The following VPS13B variants were observed in gnomAD, a reference collection of about 807,000 sequenced individuals.
The protein encoded by VPS13B is intermembrane lipid transfer protein VPS13B.
A neutral mutation model predicts 426.4 loss-of-function variants in VPS13B; 285 were observed. The ratio of observed to expected loss-of-function variants is 0.67; its 90% CI spans 0.61 to 0.74. The LOEUF (loss-of-function observed/expected upper bound fraction) is 0.74. Among genes scored for constraint, VPS13B ranks in the 30% least tolerant of loss-of-function variants. The probability of loss-of-function intolerance (pLI) is 0.00; values close to 1 mark genes in which losing one functional copy is unlikely to be tolerated. For missense variants in VPS13B, 4,537 were observed against 4,782.6 expected (o/e 0.95, Z 1.51); for synonymous variants, 1,676 against 1,676.4 (o/e 1.00, Z 0.01).
At chr8:99,633,806 G>GGTTGTGT (rs1828949672) in intron 33 of VPS13B, among the ~76,000 whole-genome samples, 2 of 143,960 alleles carry the variant, frequency 1.4e-5, no homozygotes, top group African/African-American at 5.1e-5. Context: ...GAATGTGTCA[G>GGTTGTGT]GTGTGTGTGT....
chr8:99,207,537 C>T (rs2132782248), intron 17 of VPS13B, among the ~76,000 whole-genome samples: 1 of 152,062 alleles, frequency 6.6e-6, no homozygotes, highest in African/African-American at 2.4e-5. Flanking sequence ...GAGAAAAATG[C>T]AATTCTTTGA....
chr8:99,032,092 C>T (rs1363606754), intron 2 of VPS13B, among the ~76,000 whole-genome samples: 2 of 152,170 alleles, frequency 1.3e-5, no homozygotes, highest in African/African-American at 2.4e-5. Flanking sequence ...CTGAGGATGT[C>T]TTGCTTAACT....
At chr8:99,792,943 C>T (rs1409737987) in intron 43 of VPS13B, among the ~76,000 whole-genome samples, 2 of 151,478 alleles carry the variant, frequency 1.3e-5, no homozygotes, top group Non-Finnish European at 2.9e-5. Context: ...TGGTGGTTCA[C>T]GCCTGTAATC....
At chr8:99,365,611 G>C (rs1316883601) in intron 19 of VPS13B, among the ~76,000 whole-genome samples, 1 of 146,440 alleles carries the variant, frequency 6.8e-6, no homozygotes, top group Non-Finnish European at 1.5e-5. Context: ...CTGCCTCCCG[G>C]GTTCAAGCGA....
chr8:99,029,347 G>T (rs989742907), intron 2 of VPS13B, among the ~76,000 whole-genome samples: 6 of 151,954 alleles, frequency 3.9e-5, no homozygotes, highest in African/African-American at 1.4e-4. Flanking sequence ...CGGCCAGGCA[G>T]AGACGCTCCT....
intron 33 of VPS13B, among the ~76,000 whole-genome samples, chr8:99,624,007 A>ATATATATATATATATATTT (rs1206203704): frequency 9.9e-6 from 1 of 101,122 alleles, no homozygotes; most frequent in Non-Finnish European, 1.9e-5. Flanking sequence ...ATATATATAT[A>ATATATATATATATATATTT]TTTTTTTTTT....
intron 43 of VPS13B, chr8:99,804,019 G>C (rs1408644546): frequency 6.6e-6 from 1 of 152,184 alleles, no homozygotes. Context: ...TATTATCCCT[G>C]TAAGACAAAT....
At chr8:99,347,927 TC>T (rs1184775807) in intron 19 of VPS13B, 2 of 152,390 alleles carry the variant, frequency 1.3e-5, no homozygotes, top group Non-Finnish European at 2.9e-5. Flanking sequence ...CACAGACCTT[TC>T]TTTTCCCTGA....
At chr8:99,373,044 C>G (rs1428257591) in intron 19 of VPS13B, among the ~76,000 whole-genome samples, 1 of 152,140 alleles carries the variant, frequency 6.6e-6, no homozygotes, top group Non-Finnish European at 1.5e-5. Context: ...AGCCATCATT[C>G]TGAGCAAACT....
intron 9 of VPS13B, 111 bp from the exon 10 acceptor site, chr8:99,134,904 A>G: frequency 7.4e-7 from 1 of 1,357,684 alleles, no homozygotes; most frequent in Non-Finnish European, 1.0e-6. Flanking sequence ...ATAAATTTAA[A>G]AATGACATAA....
intron 17 of VPS13B, among the ~76,000 whole-genome samples, chr8:99,273,385 C>T (rs1406989777): frequency 1.3e-5 from 2 of 151,658 alleles, no homozygotes; most frequent in Admixed American, 6.6e-5. Flanking sequence ...CCAGGATGGT[C>T]TCGATCTCTT....
In VPS13B at chr8:99,174,107, T is replaced by A. The variant is rs562680836; in HGVS notation, c.2333+3944T>A. Among the ~76,000 whole-genome samples, 72 of 152,312 alleles carry A rather than the reference T, an allele frequency of 4.7e-4. 1 individual carries two copies. Among genetic ancestry groups the A allele is most frequent in the African/African-American group, 1.5e-3 (61 of 41,572 alleles). On this transcript the variant is annotated intron_variant, in intron 16 of 61. Transcript: ENST00000357162. ...GTCTGGCTTATTTCACTTAGCATAA[T>A]GTTTTCAAGATTAATCCGTGTTGCA...
rs977312900 is a variant in VPS13B, at chr8:99,577,703, A to G, written c.5220+70A>G. 79 of 1,568,676 alleles carry G rather than the reference A, an allele frequency of 5.0e-5. 1 individual carries two copies. The South Asian group carries it at 7.5e-4, about 15-fold the overall frequency. ...ACTTTACATTCACAGTAGGAAAACTATAATTAAGCTGACTGCTTTCTGCTT... is the reference window on the plus strand; with the variant it reads ...ACTTTACATTCACAGTAGGAAAACTGTAATTAAGCTGACTGCTTTCTGCTT... On this transcript the variant is annotated intron_variant, in intron 33 of 61. Transcript: ENST00000357162.
intron 42 of VPS13B, among the ~76,000 whole-genome samples, chr8:99,781,697 A>G (rs1812028046): frequency 6.6e-6 from 1 of 152,134 alleles, no homozygotes; most frequent in African/African-American, 2.4e-5. Context: ...CATTTATTAA[A>G]GGTCAGTTTT....
At chr8:99,197,650 C>T (rs1814018601) in intron 17 of VPS13B, among the ~76,000 whole-genome samples, 2 of 152,084 alleles carry the variant, frequency 1.3e-5, no homozygotes, top group African/African-American at 4.8e-5. Context: ...GCTGTAATCT[C>T]TCCACTTTTA....
At chr8:99,418,455 TTTTCTTTCTTTCTTTCTTTCTTTC>T (rs59187307) in intron 21 of VPS13B, among the ~76,000 whole-genome samples, 69 of 122,750 alleles carry the variant, frequency 5.6e-4, no homozygotes, top group Middle Eastern at 8.5e-3. Context: ...TTTATCATAG[TTTTCTTTCTTTCTTTCTTTCTTTC>T]TTTCTTTCTT....
chr8:99,843,116 T>C (rs990828904), intron 54 of VPS13B, among the ~76,000 whole-genome samples: 1 of 152,164 alleles, frequency 6.6e-6, no homozygotes, highest in Non-Finnish European at 1.5e-5. Flanking sequence ...ATCGTGCCAC[T>C]TCACTCCATC....
At chr8:99,248,616 T>A (rs184194689) in intron 17 of VPS13B, among the ~76,000 whole-genome samples, 1 of 152,318 alleles carries the variant, frequency 6.6e-6, no homozygotes, top group Admixed American at 6.5e-5. Flanking sequence ...TTTGACACTT[T>A]TAACTCTTAC....
At chr8:99,456,905 G>A (rs1818490741) in intron 23 of VPS13B, among the ~76,000 whole-genome samples, 1 of 152,114 alleles carries the variant, frequency 6.6e-6, no homozygotes, top group African/African-American at 2.4e-5. Flanking sequence ...GTTTACCAGT[G>A]AAGCCATGTG....
Sources: allele counts gnomAD v4.1 joint callset (sites outside exome capture counted in the v4.1 genomes callset), GRCh38; gene constraint gnomAD v4.1.1; transcripts MANE v1.5; gene names NCBI Gene and HGNC (gene_info 2026-07-23, HGNC 2026-07-21).